Variants in KLHL17 observed in about 807,000 individuals in gnomAD.
KLHL17 encodes the protein kelch-like protein 17.
Under a neutral mutation model 64.6 loss-of-function variants are expected in KLHL17, and 71 were observed. That is an observed-to-expected ratio of 1.10 (90% confidence interval 0.91 to 1.34). The LOEUF (loss-of-function observed/expected upper bound fraction) is 1.34. Ranked by LOEUF, KLHL17 falls within the 40% of genes most tolerant of loss-of-function variation. The pLI is 0.00. For synonymous variants in KLHL17, 612 were observed against 405.4 expected (o/e 1.51, Z -6.12); for missense variants, 1,140 against 935.0 (o/e 1.22, Z -2.86).
Position 961,856 on chromosome 1 carries a change from CT to C in KLHL17, c.521del (p.Leu174ArgfsTer13), listed in dbSNP as rs1172004836. 1.2e-6 allele frequency: 2 copies of C among 1,611,362 alleles called. No individual in the cohort carries two copies. Among genetic ancestry groups the C allele is most frequent in the Non-Finnish European group, 1.7e-6 (2 of 1,179,996 alleles). ...GCTCCCAGCCGCCAGTCTCCTGCAG[CT>C]GAATGGCGTCCGAGACGCTTGCTGC... Reference protein sequence around the residue: ...TLLPAASLLQLNGVRDACCKF... With the variant: ...TLLPAASLLQXNGVRDACCKF... On this transcript the variant is annotated frameshift_variant, in exon 4 of 12. Transcript: ENST00000338591. LOFTEE classifies it high-confidence loss of function.
rs1418184741 is a variant in KLHL17, at chr1:962,400, G to A, written c.757G>A (p.Glu253Lys). 3 of 1,612,682 alleles carry A rather than the reference G, an allele frequency of 1.9e-6. No homozygotes were observed. Among genetic ancestry groups the A allele is most frequent in the East Asian group, 2.2e-5 (1 of 44,896 alleles). Reference sequence around the variant, plus strand: ...CGACAGCCTGAACGTGCCTTCAGAGGAGGAGGTCTACCGAGCCGTCCTGAG... The same window carrying A: ...CGACAGCCTGAACGTGCCTTCAGAGAAGGAGGTCTACCGAGCCGTCCTGAG... ...SSDSLNVPSE[E>K]EVYRAVLSWV... is the part of the protein sequence containing the mutation. The change falls in exon 5 of 12, where the codon GAG (glutamate) becomes AAG (lysine). Residue 253 changes from glutamate to lysine, a missense_variant. Glu to Lys is a moderately conservative substitution (Grantham distance 56, BLOSUM62 1). Coordinates refer to ENST00000338591, the MANE Select transcript of KLHL17 (RefSeq NM_198317.3).
In KLHL17 at chr1:961,455, C is replaced by G. The variant is rs374261219; in HGVS notation, c.270C>G (p.Leu90=). Residue 90 remains leucine, a synonymous_variant, in exon 2 of 12, where the codon CTC becomes CTG. Coordinates refer to ENST00000338591, the MANE Select transcript of KLHL17 (RefSeq NM_198317.3). The part of the protein sequence containing the change: ...VAMSRMRQRG[L]LCDIVLHVAA... The stretch of plus-strand genomic sequence containing the variant: ...TGAGCCGCATGCGCCAGCGCGGCCT[C>G]CTGTGCGACATCGTCCTGCACGTGG... 13 of 1,612,300 alleles carry G rather than the reference C, an allele frequency of 8.1e-6. No homozygotes were observed. Among genetic ancestry groups the G allele is most frequent in the Non-Finnish European group, 1.1e-5 (13 of 1,179,880 alleles).
At chr1:961,785 C>T (rs779741374) in intron 3 of KLHL17, 35 bp downstream of exon 3, 28 of 1,611,170 alleles carry the variant, frequency 1.7e-5, no homozygotes, top group Non-Finnish European at 2.0e-5. Flanking sequence ...CGGTGTCCCC[C>T]GACCCTGTGC....
chr1:963,722 C>A, intron 8 of KLHL17, 198 bp from the exon 9 acceptor site: 1 of 814,820 alleles, frequency 1.2e-6, no homozygotes, highest in Non-Finnish European at 1.9e-6. Flanking sequence ...AGAGGCTGGG[C>A]CCAGGTGGGT....
At chr1:962,540 A>C in intron 5 of KLHL17, 69 bp downstream of exon 5, 1 of 1,579,754 alleles carries the variant, frequency 6.3e-7, no homozygotes, top group African/African-American at 1.3e-5. Flanking sequence ...GGCCTGGTGC[A>C]CCCTGACCTT....
Position 961,451 on chromosome 1 carries a change from G to A in KLHL17, c.266G>A (p.Gly89Asp). 1 of 1,612,334 alleles carries A rather than the reference G, an allele frequency of 6.2e-7. No homozygotes were observed. The highest frequency in any genetic ancestry group is 8.5e-7 in the Non-Finnish European group (1 of 1,179,834). Reference protein sequence around the residue: ...FVAMSRMRQRGLLCDIVLHVA... With the variant: ...FVAMSRMRQRDLLCDIVLHVA... ...GCCATGAGCCGCATGCGCCAGCGCGGCCTCCTGTGCGACATCGTCCTGCAC... is the reference window on the plus strand; with the variant it reads ...GCCATGAGCCGCATGCGCCAGCGCGACCTCCTGTGCGACATCGTCCTGCAC... Residue 89 changes from glycine (G) to aspartate (D), a missense_variant, in exon 2 of 12, where the codon GGC (glycine) becomes GAC (aspartate). By Grantham distance (94) the Gly-to-Asp change is moderately conservative. Transcript: ENST00000338591.
At position 961,625 on chromosome 1, in the gene KLHL17, G is replaced by A. The variant is rs781385735; in HGVS notation, c.368-4G>A. 2 of 1,612,770 alleles carry A rather than the reference G, an allele frequency of 1.2e-6. No homozygotes were observed. The highest frequency in any genetic ancestry group is 8.5e-7 in the Non-Finnish European group (1 of 1,179,938). On this transcript the variant is annotated splice_polypyrimidine_tract_variant and splice_region_variant and intron_variant, in intron 2 of 11. Transcript: ENST00000338591. Reference sequence around the variant, plus strand: ...TCAGCTCGTGTAACCCGCTGTCCCCGCAGATGAGATGAGCGAGAGCCGCCA... The same window carrying A: ...TCAGCTCGTGTAACCCGCTGTCCCCACAGATGAGATGAGCGAGAGCCGCCA...
rs763797313 is a variant in KLHL17, at chr1:961,423, G to C, written c.238G>C (p.Val80Leu). ...NSKRHYHDAF[V>L]AMSRMRQRGL... ...CAAGCGGCACTACCACGATGCCTTC[G>C]TGGCCATGAGCCGCATGCGCCAGCG... Residue 80 changes from valine to leucine, a missense_variant, in exon 2 of 12, where the codon GTG (valine) becomes CTG (leucine). Transcript: ENST00000338591. 1 of 1,611,858 alleles carries C rather than the reference G, an allele frequency of 6.2e-7. No homozygotes were observed. The highest frequency in any genetic ancestry group is 8.5e-7 in the Non-Finnish European group (1 of 1,179,660).
rs1368371714 is a variant in KLHL17 at position 962,781 on chromosome 1, G to A, written c.906G>A (p.Arg302=). Reference sequence around the variant, plus strand: ...ACGTGGATGCCGAGAGCCTGGTGAGGCACCACCCTGACTGCAAGGACCTCC... The same window carrying A: ...ACGTGGATGCCGAGAGCCTGGTGAGACACCACCCTGACTGCAAGGACCTCC... The part of the protein sequence containing the change: ...LGHVDAESLV[R]HHPDCKDLLI... The change falls in exon 6 of 12, where the codon AGG becomes AGA. Residue 302 remains arginine, a synonymous_variant. Transcript: ENST00000338591. 3.7e-6 allele frequency: 6 copies of A among 1,610,934 alleles called. No individual in the cohort carries two copies. Among genetic ancestry groups the A allele is most frequent in the Admixed American group, 1.7e-5 (1 of 59,926 alleles).
rs780160224 is a variant in KLHL17 at position 964,217 on chromosome 1, G to A, written c.1518+37G>A. 5.0e-6 allele frequency: 8 copies of A among 1,608,220 alleles called. No homozygotes were observed. The Admixed American group carries it at 1.2e-4, about 23-fold the overall frequency. ...ACCCCTCCTGGCCACCCCCTCCCGT[G>A]CGCCGCGGGGCCCTCCTCCCTCTGT... On this transcript the variant is annotated intron_variant, in intron 10 of 11. Coordinates refer to ENST00000338591, the MANE Select transcript of KLHL17 (RefSeq NM_198317.3).
chr1:961,497 T>G lies in KLHL17; in HGVS notation c.312T>G (p.Arg104=). ...IVLHVAAKEI[R]AHKVVLASCS... is the part of the protein sequence containing the mutation. Reference sequence around the variant, plus strand: ...TGCACGTGGCTGCCAAGGAGATCCGTGCGCACAAAGTGGTGCTGGCCTCCT... The same window carrying G: ...TGCACGTGGCTGCCAAGGAGATCCGGGCGCACAAAGTGGTGCTGGCCTCCT... Residue 104 remains arginine (R), a synonymous_variant, in exon 2 of 12, where the codon CGT becomes CGG. Coordinates refer to ENST00000338591, the MANE Select transcript of KLHL17 (RefSeq NM_198317.3). The G allele has an allele frequency of 6.2e-7, 1 of 1,612,510 alleles. No homozygotes were observed. Among genetic ancestry groups the G allele is most frequent in the Non-Finnish European group, 8.5e-7 (1 of 1,179,928 alleles).
Position 961,630 on chromosome 1 carries a change from T to A in KLHL17, c.369T>A (p.Asn123Lys), listed in dbSNP as rs1377612922. Residue 123 changes from asparagine to lysine, a missense_variant and splice_region_variant, in exon 3 of 12, where the codon AAT becomes AAA. Transcript: ENST00000338591. Reference protein sequence around the residue: ...CSPYFHAMFTNEMSESRQTHV... With the variant: ...CSPYFHAMFTKEMSESRQTHV... ...TCGTGTAACCCGCTGTCCCCGCAGA[T>A]GAGATGAGCGAGAGCCGCCAGACCC... The A allele has an allele frequency of 6.2e-7, 1 of 1,612,544 alleles. No homozygotes were observed. The highest frequency in any genetic ancestry group is 8.5e-7 in the Non-Finnish European group (1 of 1,179,868).
In KLHL17 at chr1:961,537, C is replaced by T. The variant is rs1199504852; in HGVS notation, c.352C>T (p.His118Tyr). Residue 118 changes from histidine to tyrosine, a missense_variant, in exon 2 of 12, where the codon CAC becomes TAC. Transcript: ENST00000338591. Reference protein sequence around the residue: ...VVLASCSPYFHAMFTNEMSES... With the variant: ...VVLASCSPYFYAMFTNEMSES... ...GCTGGCCTCCTGCAGCCCCTACTTC[C>T]ACGCCATGTTCACAAGCAAGTACCC... The T allele has an allele frequency of 3.1e-6, 5 of 1,612,634 alleles. No individual in the cohort carries two copies. The highest frequency in any genetic ancestry group is 4.2e-6 in the Non-Finnish European group (5 of 1,179,978).
chr1:962,626 C>T (rs751336539), intron 5 of KLHL17, 78 bp from the exon 6 acceptor site: 29 of 1,525,742 alleles, frequency 1.9e-5, no homozygotes, highest in South Asian at 1.5e-4. Flanking sequence ...GTGGTACGGG[C>T]ATCTGGGGGG....
rs762160948 is a variant in KLHL17, at chr1:964,026, C to T, written c.1444+18C>T. The T allele has an allele frequency of 6.2e-7, 1 of 1,612,518 alleles. No individual in the cohort carries two copies. Among genetic ancestry groups the T allele is most frequent in the Non-Finnish European group, 8.5e-7 (1 of 1,179,842 alleles). On this transcript the variant is annotated intron_variant, in intron 9 of 11. Coordinates refer to ENST00000338591, the MANE Select transcript of KLHL17 (RefSeq NM_198317.3). Reference sequence around the variant, plus strand: ...CACGCTTGGTGGGTGATGGGGCCTGCCTGGGGGGCATCCCCACCTTCCCCC... The same window carrying T: ...CACGCTTGGTGGGTGATGGGGCCTGTCTGGGGGGCATCCCCACCTTCCCCC...
In KLHL17 at chr1:965,091, T is replaced by G; in HGVS notation, c.1829T>G (p.Met610Arg). The G allele has an allele frequency of 6.2e-7, 1 of 1,612,656 alleles. No homozygotes were observed. The highest frequency in any genetic ancestry group is 8.5e-7 in the Non-Finnish European group (1 of 1,179,804). Residue 610 changes from methionine (M) to arginine (R), a missense_variant, in exon 12 of 12, where the codon ATG becomes AGG. Transcript: ENST00000338591. ...RTNKWVAASC[M>R]FTRRSSVGVA... ...AACAAGTGGGTGGCCGCATCCTGCA[T>G]GTTCACCCGGCGCAGCAGTGTGGGT...
Position 963,411 on chromosome 1 carries a change from C to T in KLHL17, c.1262C>T (p.Ser421Phe). The T allele has an allele frequency of 6.2e-7, 1 of 1,612,674 alleles. No homozygotes were observed. The highest frequency in any genetic ancestry group is 8.5e-7 in the Non-Finnish European group (1 of 1,179,876). Residue 421 changes from serine (S) to phenylalanine (F), a missense_variant, in exon 8 of 12, where the codon TCC becomes TTC. Physicochemically the swap from Ser to Phe is radical, Grantham distance 155. Transcript: ENST00000338591. ...ACTAACACGTGGCAGCCGGAGGTGT[C>T]CATGGGCACAAGGCGAAGCTGCCTG... ...PVTNTWQPEV[S>F]MGTRRSCLGV...
chr1:963,898 G>A (rs377605649), intron 8 of KLHL17, 22 bp from the exon 9 acceptor site: 1 of 1,610,696 alleles, frequency 6.2e-7, no homozygotes, highest in South Asian at 1.1e-5. Context: ...CTGAGCTGTG[G>A]CTGCGGTCCT....
At chr1:963,275 G>C (rs367602312) in intron 7 of KLHL17, 22 bp downstream of exon 7, 84 of 1,599,142 alleles carry the variant, frequency 5.3e-5, no homozygotes, top group Non-Finnish European at 6.6e-5. Flanking sequence ...GGCTGGACTT[G>C]GGTCGGGTCT....
Sources: allele counts gnomAD v4.1 joint callset, GRCh38; gene constraint gnomAD v4.1.1; transcripts MANE v1.5; gene names NCBI Gene and HGNC (gene_info 2026-07-23, HGNC 2026-07-21).